The following GYPB variants were observed in gnomAD, a reference collection of about 807,000 sequenced individuals.
GYPB encodes the protein glycophorin B (MNS blood group).
In GYPB, 13 loss-of-function variants were observed where a neutral mutation model predicts 15.3. The observed-to-expected ratio is 0.85, with a 90% CI of 0.55 to 1.35. The LOEUF (loss-of-function observed/expected upper bound fraction) is 1.35. Ranked by LOEUF, GYPB falls within the 40% of genes most tolerant of loss-of-function variation. The pLI is 0.00. For synonymous variants in GYPB, 38 were observed against 36.9 expected (o/e 1.03, Z -0.11); for missense variants, 131 against 108.3 (o/e 1.21, Z -0.93).
chr4:144,002,003 C>T lies in GYPB; in HGVS notation c.38-720G>A, dbSNP rs1037224804. ...AAAAAAAAAAAACCACACACGCAAACAGGAAATCAGAATGTAGATTCACAA... is the reference window on the plus strand; with the variant it reads ...AAAAAAAAAAAACCACACACGCAAATAGGAAATCAGAATGTAGATTCACAA... On this transcript the variant is annotated intron_variant, in intron 1 of 4. Coordinates refer to ENST00000502664, the MANE Select transcript of GYPB (RefSeq NM_002100.6). Among the ~76,000 whole-genome samples the T allele has an allele frequency of 3.1e-5, 4 of 129,594 alleles. No individual in the cohort carries two copies. The Admixed American group carries it at 3.2e-4, about 10-fold the overall frequency. 85.0% of individuals were successfully genotyped at this position (129,594 alleles called of 152,430 possible).
intron 1 of GYPB, chr4:144,002,693 T>C: frequency 7.8e-7 from 1 of 1,286,716 alleles, no homozygotes; most frequent in Non-Finnish European, 1.0e-6. Flanking sequence ...GCTCAAAGTT[T>C]CCTGGAGAGC....
intron 1 of GYPB, among the ~76,000 whole-genome samples, chr4:144,018,043 T>C (rs1048288339): frequency 2.0e-5 from 3 of 151,374 alleles, no homozygotes; most frequent in East Asian, 1.9e-4. Flanking sequence ...ATATTACTTA[T>C]ATTATTAATA....
Position 143,996,168 on chromosome 4 carries a change from A to T in GYPB, c.*131T>A, listed in dbSNP as rs1727297527. The T allele has an allele frequency of 1.3e-6, 2 of 1,528,188 alleles. No homozygotes were observed. Among genetic ancestry groups the T allele is most frequent in the South Asian group, 2.4e-5 (2 of 82,208 alleles). The allele number at this position is 1,528,188 out of a possible 1,614,324, so 94.7% of individuals were successfully genotyped here. Reference sequence around the variant, plus strand: ...GAATACAGTAATAGTGAGGCAGGAGAACAGGGAATTAGGATAGCCAGGGGT... The same window carrying T: ...GAATACAGTAATAGTGAGGCAGGAGTACAGGGAATTAGGATAGCCAGGGGT... On this transcript the variant is annotated 3_prime_UTR_variant, in exon 5 of 5. Coordinates refer to ENST00000502664, the MANE Select transcript of GYPB (RefSeq NM_002100.6).
At chr4:144,002,760 G>A (rs1727695779) in intron 1 of GYPB, 3 of 1,167,674 alleles carry the variant, frequency 2.6e-6, no homozygotes, top group Non-Finnish European at 3.4e-6. Flanking sequence ...CTCAAGGGAA[G>A]AGTTCTAAAA....
intron 1 of GYPB, among the ~76,000 whole-genome samples, chr4:144,003,254 T>C (rs1176323038): frequency 2.0e-5 from 3 of 151,420 alleles, no homozygotes; most frequent in Non-Finnish European, 4.4e-5. Flanking sequence ...AGCAGTTTTT[T>C]ATTTAGGGAA....
chr4:144,000,245 G>C (rs546530031), intron 2 of GYPB: 3 of 201,376 alleles, frequency 1.5e-5, no homozygotes, highest in Non-Finnish European at 3.0e-5. Context: ...ATAGTTGTGG[G>C]TGCTATATGG....
intron 1 of GYPB, among the ~76,000 whole-genome samples, chr4:144,010,944 C>T (rs141403273): frequency 0.013 from 1,901 of 151,428 alleles, 155 homozygotes; most frequent in African/African-American, 0.044. Flanking sequence ...GTATATATAT[C>T]AAAAGAGCAG....
chr4:144,000,568 C>G (rs1727573604), intron 2 of GYPB: 1 of 348,276 alleles, frequency 2.9e-6, no homozygotes, highest in Non-Finnish European at 5.5e-6. Context: ...CCACATCCCT[C>G]CCAGCAGCAG....
At chr4:144,015,697 G>A (rs897919262) in intron 1 of GYPB, among the ~76,000 whole-genome samples, 7 of 151,254 alleles carry the variant, frequency 4.6e-5, no homozygotes, top group African/African-American at 1.7e-4. Flanking sequence ...TTCTGCAAAG[G>A]AGTTCACAGT....
At chr4:144,012,417 A>G (rs951506763) in intron 1 of GYPB, 19 of 151,612 alleles carry the variant, frequency 1.3e-4, no homozygotes, top group Non-Finnish European at 2.4e-4. Context: ...ACCTTATAGA[A>G]TTATTGAACA....
intron 1 of GYPB, among the ~76,000 whole-genome samples, chr4:144,009,636 T>C (rs1464014813): frequency 2.4e-5 from 2 of 84,880 alleles, no homozygotes; most frequent in African/African-American, 5.0e-5. Context: ...TTTTTTGAGA[T>C]GGAGGCTTGT....
At chr4:143,995,515 C>T (rs971249014), downstream of GYPB, among the ~76,000 whole-genome samples, 7 of 151,284 alleles carry the variant, frequency 4.6e-5, 1 homozygote, top group African/African-American at 1.7e-4. Flanking sequence ...TTTGGTTTAA[C>T]CTGTCCTTTC....
At chr4:143,998,511 A>T (rs1174994522) in intron 3 of GYPB, among the ~76,000 whole-genome samples, 3 of 148,470 alleles carry the variant, frequency 2.0e-5, no homozygotes, top group South Asian at 2.1e-4. Context: ...AAGTTCTATG[A>T]TGTGCTTTTT....
chr4:144,008,029 C>T (rs1445137047), intron 1 of GYPB, among the ~76,000 whole-genome samples: 1 of 151,468 alleles, frequency 6.6e-6, no homozygotes, highest in African/African-American at 2.5e-5. Flanking sequence ...ACACTTACTG[C>T]ACACTTACTT....
At chr4:144,002,969 A>C (rs1286233630) in intron 1 of GYPB, among the ~76,000 whole-genome samples, 3 of 151,304 alleles carry the variant, frequency 2.0e-5, no homozygotes, top group African/African-American at 7.4e-5. Flanking sequence ...AATAGCATGC[A>C]AAACAATTAC....
At chr4:143,999,138 G>T in intron 3 of GYPB, 1 of 309,502 alleles carries the variant, frequency 3.2e-6, no homozygotes, top group South Asian at 4.0e-5. Flanking sequence ...AAATTCCTGG[G>T]CTCAAGTGAT....
At chr4:143,997,266 C>T (rs1402919679) in intron 4 of GYPB, 1 of 293,958 alleles carries the variant, frequency 3.4e-6, no homozygotes, top group Non-Finnish European at 6.5e-6. Context: ...CAATATCCAT[C>T]AAAATATGTG....
rs1727600789 is a variant in GYPB, at chr4:144,001,167, A to T, written c.136+18T>A. ...ATCATTTCGGAGCCACAATTTAAAA[A>T]TAAAAATGAAAACAAACCATTTGTC... On this transcript the variant is annotated intron_variant, in intron 2 of 4. Transcript: ENST00000502664. 6.2e-7 allele frequency: 1 copy of T among 1,612,672 alleles called. No individual in the cohort carries two copies. The highest frequency in any genetic ancestry group is 8.5e-7 in the Non-Finnish European group (1 of 1,179,788).
At chr4:144,008,585 A>G (rs1014564507) in intron 1 of GYPB, 30 of 438,990 alleles carry the variant, frequency 6.8e-5, no homozygotes, top group Non-Finnish European at 1.3e-4. Context: ...CTCAGAACAA[A>G]AGGGGATTTC....
Sources: gnomAD v4.1 joint callset for allele counts (sites outside exome capture counted in the v4.1 genomes callset) on GRCh38, gnomAD v4.1.1 for gene constraint, MANE v1.5 for transcripts, NCBI Gene and HGNC (gene_info 2026-07-23, HGNC 2026-07-21) for gene names.